TMPRSS11E: variants seen among roughly 807,000 people sequenced by gnomAD.
TMPRSS11E encodes the protein transmembrane serine protease 11E, also known as transmembrane protease serine 11E.
TMPRSS11E carries 38 observed loss-of-function variants against 48.1 expected under a neutral mutation model. That is an observed-to-expected ratio of 0.79 (90% CI 0.61 to 1.04). The LOEUF (loss-of-function observed/expected upper bound fraction) is 1.04. Among genes scored for constraint, TMPRSS11E ranks in the 50% least tolerant of loss-of-function variants. The pLI, the probability that TMPRSS11E is intolerant of heterozygous loss-of-function variation, is 0.00. For missense variants in TMPRSS11E, 530 were observed against 510.8 expected (o/e 1.04, Z -0.36); for synonymous variants, 158 against 171.9 (o/e 0.92, Z 0.63).
At chr4:68,450,373 C>G (rs1728461799) in intron 1 of TMPRSS11E, among the ~76,000 whole-genome samples, 1 of 151,884 alleles carries the variant, frequency 6.6e-6, no homozygotes, top group Admixed American at 6.6e-5. Flanking sequence ...AGATGAAGCA[C>G]CTGTGGCTCA....
Position 68,496,648 on chromosome 4 carries a change from C to T in TMPRSS11E, c.1116C>T (p.Asp372=), listed in dbSNP as rs528612411. The T allele has an allele frequency of 5.1e-5, 82 of 1,611,304 alleles. No individual in the cohort carries two copies. The highest frequency in any genetic ancestry group is 6.8e-5 in the Non-Finnish European group (80 of 1,178,802). Residue 372 remains aspartate (D), a synonymous_variant, in exon 10 of 10, where the codon GAC becomes GAT. Coordinates refer to ENST00000305363, the MANE Select transcript of TMPRSS11E (RefSeq NM_014058.4). Reference sequence around the variant, plus strand: ...ATTTCTGTCTTCTCCTTTAGGGTGACTCTGGAGGACCACTGGTTAGTTCAG... The same window carrying T: ...ATTTCTGTCTTCTCCTTTAGGGTGATTCTGGAGGACCACTGGTTAGTTCAG... The part of the protein sequence containing the change: ...LEGKTDACQG[D]SGGPLVSSDA...
At chr4:68,489,803 G>T (rs1442805257) in intron 9 of TMPRSS11E, among the ~76,000 whole-genome samples, 1 of 152,222 alleles carries the variant, frequency 6.6e-6, no homozygotes, top group Non-Finnish European at 1.5e-5. Context: ...GGATCAGATT[G>T]TTCCCATCCC....
At chr4:68,448,735 T>C (rs1198340451) in intron 1 of TMPRSS11E, among the ~76,000 whole-genome samples, 1 of 151,730 alleles carries the variant, frequency 6.6e-6, no homozygotes, top group Non-Finnish European at 1.5e-5. Flanking sequence ...ATGCAAATAA[T>C]CTCTCATGGA....
At chr4:68,478,693 G>A (rs552948131) in intron 8 of TMPRSS11E, among the ~76,000 whole-genome samples, 156 bp from the exon 9 acceptor site, 4 of 152,014 alleles carry the variant, frequency 2.6e-5, no homozygotes, top group African/African-American at 9.6e-5. Context: ...GGCTTCAAGC[G>A]ATCCTCCAAT....
chr4:68,459,814 C>A (rs557274154), intron 1 of TMPRSS11E, among the ~76,000 whole-genome samples: 16 of 152,316 alleles, frequency 1.1e-4, no homozygotes, highest in Admixed American at 1.0e-3. Flanking sequence ...AAACCCTTCT[C>A]TCCCTGTATT....
At position 68,469,517 on chromosome 4, in the gene TMPRSS11E, A is replaced by T. The variant is rs1014341846; in HGVS notation, c.326+571A>T. On this transcript the variant is annotated intron_variant, in intron 4 of 9. Transcript: ENST00000305363. ...AAAAACAGAATAAGAATTATTTCCA[A>T]TATTATTCCAATGACAAAACTTTAA... 7.2e-4 allele frequency among the ~76,000 whole-genome samples: 110 copies of T among 152,118 alleles called. 1 individual carries two copies. The highest frequency in any genetic ancestry group is 2.5e-3 in the African/African-American group (103 of 41,560).
At chr4:68,463,504 T>C (rs1728849243) in intron 2 of TMPRSS11E, among the ~76,000 whole-genome samples, 1 of 152,176 alleles carries the variant, frequency 6.6e-6, no homozygotes, top group Non-Finnish European at 1.5e-5. Context: ...GGTTTCACCA[T>C]GTTCGTCAGG....
chr4:68,452,696 T>C (rs1385552737), intron 1 of TMPRSS11E, among the ~76,000 whole-genome samples: 1 of 152,018 alleles, frequency 6.6e-6, no homozygotes, highest in African/African-American at 2.4e-5. Flanking sequence ...AAAATTACTT[T>C]ATCTTAGTGT....
At position 68,466,630 on chromosome 4, in the gene TMPRSS11E, G is replaced by A; in HGVS notation, c.137-1G>A. Reference sequence around the variant, plus strand: ...ATAGTGTTTTGCTTCTTTCCTTGTAGATCAAAAGAAGACCTACAATTACTA... The same window carrying A: ...ATAGTGTTTTGCTTCTTTCCTTGTAAATCAAAAGAAGACCTACAATTACTA... On this transcript the variant is annotated splice_acceptor_variant, in intron 2 of 9. Coordinates refer to ENST00000305363, the MANE Select transcript of TMPRSS11E (RefSeq NM_014058.4). LOFTEE classifies it high-confidence loss of function. The A allele has an allele frequency of 6.2e-7, 1 of 1,611,434 alleles. No individual in the cohort carries two copies. Among genetic ancestry groups the A allele is most frequent in the South Asian group, 1.1e-5 (1 of 90,732 alleles).
chr4:68,483,452 T>A (rs946811398), intron 9 of TMPRSS11E, among the ~76,000 whole-genome samples: 1 of 152,216 alleles, frequency 6.6e-6, no homozygotes, highest in Non-Finnish European at 1.5e-5. Context: ...TATCTATGTT[T>A]TTTTTCCCCA....
In TMPRSS11E at chr4:68,466,735, CAG is replaced by C; in HGVS notation, c.245_246del (p.Arg82ThrfsTer2). The C allele has an allele frequency of 6.2e-7, 1 of 1,613,586 alleles. No homozygotes were observed. The highest frequency in any genetic ancestry group is 1.1e-5 in the South Asian group (1 of 91,048). ...TTCTAACAATTTTACAGAAATGAGC[CAG>C]AGACTTGAATCAATGGTAAGCAACT... ...EASNNFTEMS[Q>X]RLESMVKNAF... On this transcript the variant is annotated frameshift_variant, in exon 3 of 10. Coordinates refer to ENST00000305363, the MANE Select transcript of TMPRSS11E (RefSeq NM_014058.4). LOFTEE classifies it high-confidence loss of function.
At chr4:68,472,229 G>A (rs974374368) in intron 5 of TMPRSS11E, among the ~76,000 whole-genome samples, 1 of 151,844 alleles carries the variant, frequency 6.6e-6, no homozygotes. Flanking sequence ...TTAAGATCTG[G>A]CTAAGGGCTG....
At chr4:68,450,490 A>C (rs1428891789) in intron 1 of TMPRSS11E, among the ~76,000 whole-genome samples, 1 of 151,880 alleles carries the variant, frequency 6.6e-6, no homozygotes, top group African/African-American at 2.4e-5. Flanking sequence ...ATGTGTAGGA[A>C]GCTATAAGTA....
rs555551449 is a variant in TMPRSS11E, at chr4:68,470,844, C to T, written c.327-616C>T. 5.3e-5 allele frequency among the ~76,000 whole-genome samples: 8 copies of T among 151,868 alleles called. No homozygotes were observed. The East Asian group carries it at 5.8e-4, about 11-fold the overall frequency. ...ATGAAGTCAGTACAATTTGGTAAAG[C>T]GGTCTTATATCTTTAGGATTAGGAG... is the stretch of plus-strand genomic sequence containing the variant. On this transcript the variant is annotated intron_variant, in intron 4 of 9. Coordinates refer to ENST00000305363, the MANE Select transcript of TMPRSS11E (RefSeq NM_014058.4).
chr4:68,479,121 G>A (rs1311220133), intron 9 of TMPRSS11E, 130 bp downstream of exon 9: 11 of 1,040,736 alleles, frequency 1.1e-5, no homozygotes, highest in Non-Finnish European at 1.3e-5. Context: ...TTTCTCCAAT[G>A]ATTACATCTC....
chr4:68,476,482 A>G (rs771471904), intron 7 of TMPRSS11E, 44 bp downstream of exon 7: 29 of 1,544,538 alleles, frequency 1.9e-5, no homozygotes, highest in Admixed American at 6.1e-5. Context: ...AACAAAGTGC[A>G]CTGGGTTTTG....
chr4:68,486,405 G>GGT lies in TMPRSS11E; in HGVS notation c.1110+7414_1110+7415insGT, dbSNP rs543690608. On this transcript the variant is annotated intron_variant, in intron 9 of 9. Coordinates refer to ENST00000305363, the MANE Select transcript of TMPRSS11E (RefSeq NM_014058.4). ...TCTTAATTTCATTCTTTACTCAAAA[G>GGT]ACATTCAGGAGCAGGCTGTTTAATT... Among the ~76,000 whole-genome samples the GGT allele has an allele frequency of 3.6e-3, 552 of 152,248 alleles. 4 individuals are homozygous for GGT. The highest frequency in any genetic ancestry group is 6.3e-3 in the Non-Finnish European group (426 of 68,024).
At chr4:68,449,492 G>A (rs1728436292) in intron 1 of TMPRSS11E, among the ~76,000 whole-genome samples, 2 of 151,460 alleles carry the variant, frequency 1.3e-5, no homozygotes, top group Admixed American at 1.3e-4. Flanking sequence ...ATATTCAAAT[G>A]ACACAAAATG....
At chr4:68,481,488 A>C (rs1328134841) in intron 9 of TMPRSS11E, among the ~76,000 whole-genome samples, 1 of 152,144 alleles carries the variant, frequency 6.6e-6, no homozygotes, top group Non-Finnish European at 1.5e-5. Context: ...ACTTTTTAGT[A>C]ATAGCCATTC....
Sources: gnomAD v4.1 joint callset for allele counts (sites outside exome capture counted in the v4.1 genomes callset) on GRCh38, gnomAD v4.1.1 for gene constraint, MANE v1.5 for transcripts, NCBI Gene and HGNC (gene_info 2026-07-23, HGNC 2026-07-21) for gene names.